The following TBC1D22A variants were observed in gnomAD, a reference collection of about 807,000 sequenced individuals.
TBC1D22A encodes TBC1 domain family member 22A.
Under a neutral mutation model 60.2 loss-of-function variants are expected in TBC1D22A, and 38 were observed. That is an observed-to-expected ratio of 0.63 (90% CI 0.49 to 0.83). TBC1D22A has a LOEUF of 0.83. Among genes scored for constraint, TBC1D22A ranks in the 40% least tolerant of loss-of-function variants. The probability of loss-of-function intolerance (pLI) is 0.00; values close to 1 mark genes in which losing one functional copy is unlikely to be tolerated. For missense variants in TBC1D22A, 628 were observed against 701.0 expected (o/e 0.90, Z 1.18); for synonymous variants, 302 against 281.7 (o/e 1.07, Z -0.72).
rs185542950 is a variant in TBC1D22A, at chr22:46,959,169, C to T, written c.1016-15121C>T. Among the ~76,000 whole-genome samples, 993 of 152,254 alleles carry T rather than the reference C, an allele frequency of 6.5e-3. 14 individuals carry two copies. Among genetic ancestry groups the T allele is most frequent in the Non-Finnish European group, 8.4e-3 (571 of 68,020 alleles). ...CTTTAGGATCTTGCCCTGTGTTTTC[C>T]GTTCTACCCAACAAAAAACTAAAAC... On this transcript the variant is annotated intron_variant, in intron 8 of 12. Coordinates refer to ENST00000337137, the MANE Select transcript of TBC1D22A (RefSeq NM_014346.5).
chr22:47,120,414 G>C (rs929680282), intron 12 of TBC1D22A, among the ~76,000 whole-genome samples: 1 of 152,150 alleles, frequency 6.6e-6, no homozygotes, highest in Non-Finnish European at 1.5e-5. Flanking sequence ...CATACAGTCT[G>C]CATGCACACA....
At chr22:46,972,215 G>A (rs1701940564) in intron 8 of TBC1D22A, among the ~76,000 whole-genome samples, 2 of 152,206 alleles carry the variant, frequency 1.3e-5, no homozygotes, top group Non-Finnish European at 2.9e-5. Context: ...GGGTGACTCC[G>A]ACACCTAACA....
intron 8 of TBC1D22A, among the ~76,000 whole-genome samples, chr22:46,930,640 T>G (rs940117499): frequency 3.4e-5 from 5 of 147,384 alleles, no homozygotes; most frequent in African/African-American, 1.2e-4. Flanking sequence ...TTTTTTTGTA[T>G]TTTTAGTAGA....
At chr22:47,102,477 C>T (rs1441530453) in intron 11 of TBC1D22A, among the ~76,000 whole-genome samples, 1 of 152,216 alleles carries the variant, frequency 6.6e-6, no homozygotes, top group Non-Finnish European at 1.5e-5. Context: ...TCCCTGTTTT[C>T]CCACTGAGTG....
At position 46,889,671 on chromosome 22, in the gene TBC1D22A, A is replaced by G. The variant is rs550683912; in HGVS notation, c.709-1595A>G. Among the ~76,000 whole-genome samples, 5 of 152,322 alleles carry G rather than the reference A, an allele frequency of 3.3e-5. No homozygotes were observed. The South Asian group carries it at 1.0e-3, about 32-fold the overall frequency. On this transcript the variant is annotated intron_variant, in intron 5 of 12. Coordinates refer to ENST00000337137, the MANE Select transcript of TBC1D22A (RefSeq NM_014346.5). ...GACACAGCTAGAAAAAGGAAATCACAGCTGATTCACGTAACTTGGATCCGT... is the reference window on the plus strand; with the variant it reads ...GACACAGCTAGAAAAAGGAAATCACGGCTGATTCACGTAACTTGGATCCGT...
chr22:46,840,690 G>A (rs1006218867), intron 4 of TBC1D22A, among the ~76,000 whole-genome samples: 3 of 151,166 alleles, frequency 2.0e-5, no homozygotes, highest in South Asian at 2.1e-4. Context: ...CCGAGATTGC[G>A]CCACTGTACT....
chr22:46,959,612 C>T (rs558718315), intron 8 of TBC1D22A, among the ~76,000 whole-genome samples: 6 of 152,300 alleles, frequency 3.9e-5, no homozygotes, highest in Admixed American at 1.3e-4. Flanking sequence ...CCGGTGGCCT[C>T]TCTGTCCCCT....
chr22:47,042,811 G>A (rs939495423), intron 11 of TBC1D22A, among the ~76,000 whole-genome samples: 8 of 150,350 alleles, frequency 5.3e-5, no homozygotes, highest in African/African-American at 1.8e-4. Flanking sequence ...CATCATCATG[G>A]CACCTGATCC....
chr22:46,944,924 A>G (rs1444359391), intron 8 of TBC1D22A, among the ~76,000 whole-genome samples: 2 of 152,156 alleles, frequency 1.3e-5, no homozygotes, highest in East Asian at 3.8e-4. Flanking sequence ...CATGTAGATG[A>G]TTTTTCTTTT....
At chr22:46,879,010 A>G (rs966385079) in intron 5 of TBC1D22A, among the ~76,000 whole-genome samples, 4 of 152,202 alleles carry the variant, frequency 2.6e-5, no homozygotes, top group Non-Finnish European at 5.9e-5. Context: ...GTGATATAGA[A>G]AGGTTTCAGC....
chr22:46,909,560 G>A (rs986801416), intron 7 of TBC1D22A, among the ~76,000 whole-genome samples: 1 of 152,174 alleles, frequency 6.6e-6, no homozygotes, highest in African/African-American at 2.4e-5. Context: ...TGGTTAGGAG[G>A]TGCTGGGCAG....
intron 10 of TBC1D22A, among the ~76,000 whole-genome samples, chr22:47,016,728 C>A (rs1033998136): frequency 1.1e-4 from 16 of 152,240 alleles, no homozygotes; most frequent in African/African-American, 3.9e-4. Flanking sequence ...GCCGGTCTCA[C>A]ATTGCTGCGC....
chr22:47,093,859 T>C (rs978908238), intron 11 of TBC1D22A, among the ~76,000 whole-genome samples: 1 of 152,244 alleles, frequency 6.6e-6, no homozygotes, highest in African/African-American at 2.4e-5. Context: ...GGGTTCTGTC[T>C]GGGTCCTGCT....
intron 12 of TBC1D22A, among the ~76,000 whole-genome samples, chr22:47,148,336 T>TA (rs59518138): frequency 0.05 from 6,986 of 138,888 alleles, 182 homozygotes; most frequent in Non-Finnish European, 0.062. Flanking sequence ...CCAAAAGATG[T>TA]AAAAAAAAAA....
chr22:47,161,292 C>A (rs761738), intron 12 of TBC1D22A, among the ~76,000 whole-genome samples: 2 of 152,018 alleles, frequency 1.3e-5, no homozygotes, highest in African/African-American at 4.8e-5. Flanking sequence ...TGGCGACTGT[C>A]GGGGGCGGTC....
intron 11 of TBC1D22A, among the ~76,000 whole-genome samples, chr22:47,105,209 T>A (rs769941126): frequency 3.3e-5 from 5 of 151,884 alleles, no homozygotes; most frequent in Non-Finnish European, 7.4e-5. Flanking sequence ...AGTAGCAACA[T>A]ATTTAAGATT....
chr22:46,889,859 A>G (rs1159689408), intron 5 of TBC1D22A, among the ~76,000 whole-genome samples: 1 of 152,180 alleles, frequency 6.6e-6, no homozygotes, highest in Non-Finnish European at 1.5e-5. Context: ...GATACTGGGA[A>G]GTATACAGGG....
intron 12 of TBC1D22A, among the ~76,000 whole-genome samples, chr22:47,141,273 G>C (rs958057736): frequency 2.0e-5 from 3 of 152,160 alleles, no homozygotes; most frequent in African/African-American, 7.2e-5. Context: ...GATTGTGGGA[G>C]CTACAATTCA....
At chr22:46,826,138 C>T (rs904173782) in intron 4 of TBC1D22A, among the ~76,000 whole-genome samples, 4 of 152,114 alleles carry the variant, frequency 2.6e-5, no homozygotes, top group Admixed American at 2.6e-4. Context: ...ACCTTGGCCT[C>T]CCAAAGTGCT....
Sources: allele counts gnomAD v4.1 joint callset (sites outside exome capture counted in the v4.1 genomes callset), GRCh38; gene constraint gnomAD v4.1.1; transcripts MANE v1.5; gene names NCBI Gene and HGNC (gene_info 2026-07-23, HGNC 2026-07-21).